Variants in SEMA5A observed in about 807,000 individuals in gnomAD.
The protein encoded by SEMA5A is semaphorin 5A.
A neutral mutation model predicts 135.5 loss-of-function variants in SEMA5A; 55 were observed. The observed-to-expected ratio is 0.41, with a 90% CI of 0.33 to 0.51. The LOEUF is 0.51. Ranked by LOEUF, SEMA5A falls within the 20% of genes least tolerant of loss-of-function variation. SEMA5A has a pLI of 0.37. For missense variants in SEMA5A, 1,290 were observed against 1,419.9 expected (o/e 0.91, Z 1.47); for synonymous variants, 580 against 546.5 (o/e 1.06, Z -0.85).
At chr5:9,421,215 A>C (rs755164626) in intron 2 of SEMA5A, among the ~76,000 whole-genome samples, 2 of 152,212 alleles carry the variant, frequency 1.3e-5, no homozygotes, top group Admixed American at 6.5e-5. Flanking sequence ...GTATTCAGAC[A>C]TGGGGGATGG....
intron 5 of SEMA5A, among the ~76,000 whole-genome samples, chr5:9,266,439 C>T (rs897345096): frequency 2.3e-4 from 35 of 152,140 alleles, no homozygotes; most frequent in African/African-American, 5.8e-4. Flanking sequence ...CCTTAAATGA[C>T]GAGATACTAC....
intron 1 of SEMA5A, among the ~76,000 whole-genome samples, chr5:9,450,394 T>C (rs1758597778): frequency 6.6e-6 from 1 of 152,218 alleles, no homozygotes; most frequent in Admixed American, 6.5e-5. Flanking sequence ...GTATACATTG[T>C]TCCAGTATCT....
chr5:9,177,845 G>A (rs1434625857), intron 11 of SEMA5A, among the ~76,000 whole-genome samples: 10 of 152,232 alleles, frequency 6.6e-5, no homozygotes, highest in African/African-American at 2.4e-4. Context: ...GGGGACACAT[G>A]TCAAGAATCA....
At chr5:9,343,455 G>A (rs1365406667) in intron 3 of SEMA5A, among the ~76,000 whole-genome samples, 2 of 152,096 alleles carry the variant, frequency 1.3e-5, no homozygotes, top group Non-Finnish European at 2.9e-5. Context: ...CCTTCTGTGA[G>A]CAGCACAGGA....
intron 3 of SEMA5A, among the ~76,000 whole-genome samples, chr5:9,357,948 G>A (rs1298557045): frequency 1.3e-5 from 2 of 152,210 alleles, no homozygotes; most frequent in Non-Finnish European, 2.9e-5. Context: ...TATGATCAGT[G>A]CATTTTCCAG....
intron 1 of SEMA5A, among the ~76,000 whole-genome samples, chr5:9,443,467 T>A (rs931723161): frequency 6.6e-6 from 1 of 152,332 alleles, no homozygotes; most frequent in South Asian, 2.1e-4. Flanking sequence ...ATATAATCTA[T>A]CATTATAAAA....
intron 1 of SEMA5A, among the ~76,000 whole-genome samples, chr5:9,488,875 T>C (rs532793161): frequency 6.6e-6 from 1 of 152,362 alleles, no homozygotes; most frequent in African/African-American, 2.4e-5. Context: ...TATTTTAATA[T>C]GGACTATTTT....
At chr5:9,281,282 C>G (rs2150564321) in intron 5 of SEMA5A, among the ~76,000 whole-genome samples, 1 of 152,250 alleles carries the variant, frequency 6.6e-6, no homozygotes, top group Non-Finnish European at 1.5e-5. Flanking sequence ...ATGCAAATAC[C>G]TAATTCAATC....
At chr5:9,525,065 C>A in intron 1 of SEMA5A, among the ~76,000 whole-genome samples, 1 of 152,182 alleles carries the variant, frequency 6.6e-6, no homozygotes, top group East Asian at 1.9e-4. Context: ...TCTTGAACTA[C>A]AAAAATAGCT....
intron 11 of SEMA5A, among the ~76,000 whole-genome samples, chr5:9,173,285 T>A (rs1002915086): frequency 2.0e-5 from 3 of 151,224 alleles, no homozygotes; most frequent in Non-Finnish European, 4.4e-5. Context: ...CCCGGTTTTT[T>A]TTTTTTTTTT....
chr5:9,463,861 CT>C (rs1341645061), intron 1 of SEMA5A, among the ~76,000 whole-genome samples: 1 of 152,218 alleles, frequency 6.6e-6, no homozygotes, highest in Non-Finnish European at 1.5e-5. Context: ...CCACACCCCC[CT>C]GAAGGTGTTT....
intron 2 of SEMA5A, among the ~76,000 whole-genome samples, chr5:9,426,092 G>A (rs773392295): frequency 6.6e-6 from 1 of 152,122 alleles, no homozygotes; most frequent in Non-Finnish European, 1.5e-5. Flanking sequence ...GTTATTAGCA[G>A]TGCTTCAAAA....
intron 10 of SEMA5A, among the ~76,000 whole-genome samples, chr5:9,195,308 G>T (rs969483269): frequency 6.6e-6 from 1 of 152,104 alleles, no homozygotes; most frequent in South Asian, 2.1e-4. Context: ...TAGGACTATA[G>T]ATGCATGACA....
At chr5:9,460,054 GC>G (rs905635842) in intron 1 of SEMA5A, among the ~76,000 whole-genome samples, 3 of 152,162 alleles carry the variant, frequency 2.0e-5, no homozygotes, top group African/African-American at 7.2e-5. Context: ...GGAGAGTTCA[GC>G]TTTTAAATTG....
intron 16 of SEMA5A, among the ~76,000 whole-genome samples, chr5:9,107,519 T>C (rs1424725216): frequency 2.0e-5 from 3 of 152,156 alleles, no homozygotes; most frequent in African/African-American, 7.2e-5. Flanking sequence ...GGGATATTAT[T>C]CCGTGTCCCA....
intron 8 of SEMA5A, 129 bp from the exon 9 acceptor site, chr5:9,202,369 T>TTTTTAATGATACG: frequency 1.1e-6 from 1 of 879,052 alleles, no homozygotes; most frequent in Non-Finnish European, 1.7e-6. Context: ...ATAGGACTAT[T>TTTTTAATGATACG]GGGAGGCCCC....
intron 5 of SEMA5A, among the ~76,000 whole-genome samples, chr5:9,302,714 A>G (rs1751669921): frequency 6.6e-6 from 1 of 152,186 alleles, no homozygotes; most frequent in Non-Finnish European, 1.5e-5. Flanking sequence ...AGAACCACCT[A>G]CTGTCACATG....
At chr5:9,361,241 G>A (rs1315801447) in intron 3 of SEMA5A, among the ~76,000 whole-genome samples, 1 of 151,412 alleles carries the variant, frequency 6.6e-6, no homozygotes, top group Admixed American at 6.6e-5. Context: ...AGAGGTTGCA[G>A]TGAGGCAAGA....
At chr5:9,156,003 G>A (rs1392811318) in intron 11 of SEMA5A, among the ~76,000 whole-genome samples, 1 of 152,128 alleles carries the variant, frequency 6.6e-6, no homozygotes, top group African/African-American at 2.4e-5. Flanking sequence ...TTTTTAAAAA[G>A]GTCAATCATA....
Sources: allele counts gnomAD v4.1 joint callset (sites outside exome capture counted in the v4.1 genomes callset), GRCh38; gene constraint gnomAD v4.1.1; transcripts MANE v1.5; gene names NCBI Gene and HGNC (gene_info 2026-07-23, HGNC 2026-07-21).